Variants in PRR5L observed in about 807,000 individuals in gnomAD.
PRR5L encodes proline-rich protein 5-like.
PRR5L carries 21 observed loss-of-function variants against 36.4 expected under a neutral mutation model. The observed-to-expected ratio is 0.58, with a 90% CI of 0.41 to 0.83. The LOEUF is 0.83. PRR5L is among the 40% of genes least tolerant of loss of function. The pLI is 0.00. For synonymous variants in PRR5L, 188 were observed against 197.0 expected, an observed-to-expected ratio of 0.95 and a Z score of 0.38; for missense variants, 381 against 473.3, an observed-to-expected ratio of 0.80 and a Z score of 1.81.
intron 3 of PRR5L, among the ~76,000 whole-genome samples, chr11:36,412,548 A>G (rs778446105): frequency 1.3e-5 from 2 of 152,156 alleles, no homozygotes; most frequent in Non-Finnish European, 2.9e-5. Flanking sequence ...TGGCCTAGGT[A>G]TTAGGAATCG....
intron 1 of PRR5L, among the ~76,000 whole-genome samples, chr11:36,382,583 C>T (rs1857389077): frequency 6.6e-6 from 1 of 152,212 alleles, no homozygotes; most frequent in Non-Finnish European, 1.5e-5. Flanking sequence ...TCCCAGACTA[C>T]AATGCGGGTA....
chr11:36,419,323 G>A lies in PRR5L; in HGVS notation c.294+20G>A, dbSNP rs1392820306. The A allele has an allele frequency of 1.2e-6, 2 of 1,609,128 alleles. No homozygotes were observed. The highest frequency in any genetic ancestry group is 1.7e-6 in the Non-Finnish European group (2 of 1,175,630). ...TTTCAGGTAAGCTGTGTGGATCTGA[G>A]CATCCATCATTATCATGCATGTGGG... On this transcript the variant is annotated intron_variant, in intron 4 of 8. Transcript: ENST00000530639.
At chr11:36,449,576 T>A (rs983927865) in intron 7 of PRR5L, among the ~76,000 whole-genome samples, 2 of 152,158 alleles carry the variant, frequency 1.3e-5, no homozygotes, top group African/African-American at 4.8e-5. Context: ...AGACAGGTCC[T>A]GAGACCACCG....
At chr11:36,451,058 T>A in intron 7 of PRR5L, 151 bp from the exon 8 acceptor site, 1 of 897,704 alleles carries the variant, frequency 1.1e-6, no homozygotes, top group Non-Finnish European at 1.7e-6. Flanking sequence ...GCTTCAGGCC[T>A]CAGTTTCCTT....
At chr11:36,408,599 G>GT (rs1857959391) in intron 3 of PRR5L, among the ~76,000 whole-genome samples, 1 of 152,098 alleles carries the variant, frequency 6.6e-6, no homozygotes, top group African/African-American at 2.4e-5. Flanking sequence ...TGTTAGTGCG[G>GT]TTTTTAACAC....
chr11:36,403,446 C>A (rs1039431171), intron 3 of PRR5L, 68 bp downstream of exon 3: 4 of 1,171,930 alleles, frequency 3.4e-6, no homozygotes, highest in Non-Finnish European at 4.9e-6. Context: ...GGGGCTACCG[C>A]CTTAGGAGCC....
intron 1 of PRR5L, among the ~76,000 whole-genome samples, chr11:36,338,208 A>G (rs1456903274): frequency 6.6e-6 from 1 of 152,190 alleles, no homozygotes; most frequent in East Asian, 1.9e-4. Flanking sequence ...GCCTTTCTCA[A>G]TCAAGTATCA....
At position 36,437,243 on chromosome 11, in the gene PRR5L, T is replaced by C. The variant is rs1858623498; in HGVS notation, c.353-142T>C. 4.0e-6 allele frequency: 3 copies of C among 752,274 alleles called. No homozygotes were observed. The East Asian group carries it at 7.3e-5, about 18-fold the overall frequency. 46.6% of individuals were successfully genotyped at this position (752,274 alleles called of 1,614,324 possible). ...CCTGTAGCACCACACCTCTGCTCTC[T>C]GGGCTTTAATAGCTCCTGGCTGCAA... On this transcript the variant is annotated intron_variant, in intron 5 of 8. Coordinates refer to ENST00000530639, the MANE Select transcript of PRR5L (RefSeq NM_001160167.2).
At chr11:36,370,128 C>T (rs182152605) in intron 1 of PRR5L, among the ~76,000 whole-genome samples, 85 of 152,264 alleles carry the variant, frequency 5.6e-4, no homozygotes, top group Non-Finnish European at 1.1e-3. Context: ...TCATCTTGTC[C>T]CCCACCCCAC....
At chr11:36,382,844 T>C (rs1051398963) in intron 1 of PRR5L, among the ~76,000 whole-genome samples, 2 of 152,188 alleles carry the variant, frequency 1.3e-5, no homozygotes, top group African/African-American at 4.8e-5. Context: ...TCAAGCCTAG[T>C]TGTACATCAG....
At chr11:36,442,222 ATT>A (rs1258738206) in intron 6 of PRR5L, among the ~76,000 whole-genome samples, 1 of 152,098 alleles carries the variant, frequency 6.6e-6, no homozygotes, top group South Asian at 2.1e-4. Flanking sequence ...AATTTTCCAA[ATT>A]TTTATGCTCT....
At chr11:36,325,955 G>A (rs1856657855) in intron 1 of PRR5L, among the ~76,000 whole-genome samples, 1 of 151,890 alleles carries the variant, frequency 6.6e-6, no homozygotes, top group African/African-American at 2.4e-5. Flanking sequence ...AAAATGCTGA[G>A]GTTTTGTTTG....
chr11:36,412,043 G>A (rs1030537707), intron 3 of PRR5L, among the ~76,000 whole-genome samples: 1 of 152,148 alleles, frequency 6.6e-6, no homozygotes, highest in Non-Finnish European at 1.5e-5. Flanking sequence ...GTAATCCTGT[G>A]AAGTAGGTAT....
chr11:36,322,687 G>C (rs892237752), intron 1 of PRR5L, among the ~76,000 whole-genome samples: 4 of 152,188 alleles, frequency 2.6e-5, no homozygotes, highest in Non-Finnish European at 4.4e-5. Context: ...CATAACCTGA[G>C]GCAGCCCTTG....
At chr11:36,385,094 G>A (rs1344560694) in intron 1 of PRR5L, among the ~76,000 whole-genome samples, 1 of 152,160 alleles carries the variant, frequency 6.6e-6, no homozygotes, top group Non-Finnish European at 1.5e-5. Flanking sequence ...TAAAACTCTT[G>A]TTGGCTGCCA....
At chr11:36,438,487 T>A (rs563773703) in intron 6 of PRR5L, among the ~76,000 whole-genome samples, 25 of 152,320 alleles carry the variant, frequency 1.6e-4, no homozygotes, top group Non-Finnish European at 2.8e-4. Flanking sequence ...GCTTATAGAT[T>A]CCATTTTCCA....
chr11:36,338,917 G>A (rs1255040490), intron 1 of PRR5L, among the ~76,000 whole-genome samples: 1 of 152,080 alleles, frequency 6.6e-6, no homozygotes, highest in Non-Finnish European at 1.5e-5. Flanking sequence ...CTGAGTCACG[G>A]GGGCCCGTCT....
At chr11:36,400,513 G>A (rs527702127) in intron 1 of PRR5L, among the ~76,000 whole-genome samples, 116 of 152,312 alleles carry the variant, frequency 7.6e-4, no homozygotes, top group African/African-American at 2.7e-3. Flanking sequence ...GGTGAGATGT[G>A]CTTGAGTGAA....
At chr11:36,401,349 C>A in intron 2 of PRR5L, 64 bp downstream of exon 2, 1 of 1,504,458 alleles carries the variant, frequency 6.6e-7, no homozygotes, top group Non-Finnish European at 9.1e-7. Flanking sequence ...AGGGAGGCAT[C>A]CGGGGGCTGA....
Sources: gnomAD v4.1 joint callset for allele counts (sites outside exome capture counted in the v4.1 genomes callset) on GRCh38, gnomAD v4.1.1 for gene constraint, MANE v1.5 for transcripts, NCBI Gene and HGNC (gene_info 2026-07-23, HGNC 2026-07-21) for gene names.